ZNF724: variants seen among roughly 807,000 people sequenced by gnomAD.
ZNF724 encodes zinc finger protein 724 pseudogene.
Under a neutral mutation model 29.3 loss-of-function variants are expected in ZNF724, and 14 were observed. That is an observed-to-expected ratio of 0.48 (90% CI 0.32 to 0.75). ZNF724 has a LOEUF of 0.75. ZNF724 is among the 30% of genes least tolerant of loss of function. The pLI, the probability that ZNF724 is intolerant of heterozygous loss-of-function variation, is 0.04. For synonymous variants in ZNF724, 180 were observed against 193.6 expected, an observed-to-expected ratio of 0.93 and a Z score of 0.58; for missense variants, 557 against 571.2, an observed-to-expected ratio of 0.98 and a Z score of 0.25.
At chr19:23,239,591 A>AT (rs775648427) in intron 1 of ZNF724, among the ~76,000 whole-genome samples, 1 of 152,226 alleles carries the variant, frequency 6.6e-6, no homozygotes, top group East Asian at 1.9e-4. Context: ...AAGGAAATTT[A>AT]TAGCACTAAC....
At chr19:23,236,773 T>A (rs1473745455) in intron 1 of ZNF724, 1 of 152,202 alleles carries the variant, frequency 6.6e-6, no homozygotes, top group Non-Finnish European at 1.5e-5. Flanking sequence ...CTCTTTTATC[T>A]CTGTTGCTCT....
rs779137283 is a variant in ZNF724, at chr19:23,224,028, A to G, written c.227-10T>C. 4.3e-5 allele frequency: 27 copies of G among 632,386 alleles called. No individual in the cohort carries two copies. Among genetic ancestry groups the G allele is most frequent in the Non-Finnish European group, 1.1e-5 (4 of 354,088 alleles). The allele number at this position is 632,386 out of a possible 1,614,324, so 39.2% of individuals were successfully genotyped here. A position where few individuals can be genotyped will look rare whatever the true frequency, so the allele number is the denominator to read the frequency against. On this transcript the variant is annotated splice_polypyrimidine_tract_variant and intron_variant, in intron 3 of 3. Coordinates refer to ENST00000418100, the MANE Select transcript of ZNF724 (RefSeq NM_001355404.2). Reference sequence around the variant, plus strand: ...AAATAACAACACATACCTGAAAGAAATAAAAATAACAACTTACTCCACATA... The same window carrying G: ...AAATAACAACACATACCTGAAAGAAGTAAAAATAACAACTTACTCCACATA...
chr19:23,229,872 A>G (rs1385634252), intron 3 of ZNF724, among the ~76,000 whole-genome samples: 3 of 152,238 alleles, frequency 2.0e-5, no homozygotes, highest in African/African-American at 7.2e-5. Flanking sequence ...TTCTATTTTA[A>G]AATAGCACTG....
intron 1 of ZNF724, among the ~76,000 whole-genome samples, chr19:23,234,449 C>T (rs1971991007): frequency 6.6e-6 from 1 of 151,836 alleles, no homozygotes; most frequent in Non-Finnish European, 1.5e-5. Context: ...TAAGCATTGC[C>T]TTGCAATTTT....
At chr19:23,238,364 A>ACAAAAAC (rs1298367130) in intron 1 of ZNF724, among the ~76,000 whole-genome samples, 2 of 152,042 alleles carry the variant, frequency 1.3e-5, no homozygotes, top group East Asian at 1.9e-4. Flanking sequence ...ACCTCAAAAA[A>ACAAAAAC]CAAAAAACAA....
At chr19:23,246,951 G>A (rs556964674) in intron 1 of ZNF724, among the ~76,000 whole-genome samples, 40 of 152,172 alleles carry the variant, frequency 2.6e-4, no homozygotes, top group African/African-American at 5.8e-4. Flanking sequence ...GGCTGGGCAC[G>A]GTGACTCACG....
At chr19:23,234,493 C>A (rs777101204) in intron 1 of ZNF724, among the ~76,000 whole-genome samples, 23 of 151,962 alleles carry the variant, frequency 1.5e-4, no homozygotes, top group Middle Eastern at 6.8e-3. Flanking sequence ...CTCTTGTCAT[C>A]CAGGCTGGAG....
intron 3 of ZNF724, among the ~76,000 whole-genome samples, chr19:23,228,069 T>C (rs1971870710): frequency 6.6e-6 from 1 of 152,060 alleles, no homozygotes; most frequent in Non-Finnish European, 1.5e-5. Flanking sequence ...TATGGTACAC[T>C]GAGGTTGGAG....
chr19:23,245,610 T>C (rs1339144978), intron 1 of ZNF724, among the ~76,000 whole-genome samples: 1 of 149,526 alleles, frequency 6.7e-6, no homozygotes, highest in Non-Finnish European at 1.5e-5. Flanking sequence ...CAAGACTCCA[T>C]CTCAAAAAAA....
chr19:23,223,022 T>C lies in ZNF724; in HGVS notation c.1223A>G (p.His408Arg). ...ATGAATTCTTTTATGTGTGGTGAGG[T>C]GTGAGGATGTGTTAAAGGCTTTGCC... Reference protein sequence around the residue: ...ECGKAFNTSSHLTTHKRIHTG... With the variant: ...ECGKAFNTSSRLTTHKRIHTG... Residue 408 changes from histidine to arginine, a missense_variant, in exon 4 of 4, where the codon CAC becomes CGC. Physicochemically the swap from His to Arg is conservative, Grantham distance 29. Around this residue, in one of 3 missense-constraint regions of ZNF724, gnomAD observed 362 missense variants for 295.5 expected, o/e 1.22. Coordinates refer to ENST00000418100, the MANE Select transcript of ZNF724 (RefSeq NM_001355404.2). The C allele has an allele frequency of 7.5e-7, 1 of 1,325,842 alleles. No homozygotes were observed. The highest frequency in any genetic ancestry group is 1.1e-6 in the Non-Finnish European group (1 of 918,880). The allele number at this position is 1,325,842 out of a possible 1,614,324, so 82.1% of individuals were successfully genotyped here.
In ZNF724 at chr19:23,223,177, A is replaced by C. The variant is rs769757740; in HGVS notation, c.1068T>G (p.His356Gln). Residue 356 changes from histidine to glutamine, a missense_variant, in exon 4 of 4, where the codon CAT becomes CAG. His to Gln is a conservative substitution (Grantham distance 24). Coordinates refer to ENST00000418100, the MANE Select transcript of ZNF724 (RefSeq NM_001355404.2). ...AFNVSSTLTQ[H>Q]KRIHTGEKPY... ...GTTTCTCTCCAGTATGAATTCTCTTATGTTGAGTAAGGGTTGAGGACACAT... is the reference window on the plus strand; with the variant it reads ...GTTTCTCTCCAGTATGAATTCTCTTCTGTTGAGTAAGGGTTGAGGACACAT... 7.8e-7 allele frequency: 1 copy of C among 1,274,474 alleles called. No individual in the cohort carries two copies. The highest frequency in any genetic ancestry group is 2.3e-5 in the East Asian group (1 of 43,282). 78.9% of individuals were successfully genotyped at this position (1,274,474 alleles called of 1,614,324 possible).
Position 23,223,574 on chromosome 19 carries a change from T to C in ZNF724, c.671A>G (p.Lys224Arg). 1 of 722,366 alleles carries C rather than the reference T, an allele frequency of 1.4e-6. No individual in the cohort carries two copies. Among genetic ancestry groups the C allele is most frequent in the Non-Finnish European group, 2.6e-6 (1 of 389,492 alleles). The allele number at this position is 722,366 out of a possible 1,614,324, so 44.7% of individuals were successfully genotyped here. Residue 224 changes from lysine to arginine, a missense_variant, in exon 4 of 4, where the codon AAA becomes AGA. This residue lies in a region of ZNF724 where 362 missense variants were observed against 295.5 expected (regional missense o/e 1.22). Coordinates refer to ENST00000418100, the MANE Select transcript of ZNF724 (RefSeq NM_001355404.2). ...GCCACATTCTTCACATTTGTAGTGT[T>C]TTTGTCCTGTATGAATTCTCTTATG... ...SQHKRIHTGQKHYKCEECGIA... is the reference protein window; with the variant it reads ...SQHKRIHTGQRHYKCEECGIA...
intron 1 of ZNF724, among the ~76,000 whole-genome samples, chr19:23,249,020 TAAG>T (rs76532585): frequency 0.48 from 72,509 of 150,836 alleles, 19,019 homozygotes; most frequent in East Asian, 0.68. Context: ...CAAAAAAAAC[TAAG>T]AAGAAGAAAA....
At chr19:23,228,212 G>A (rs745776533) in intron 3 of ZNF724, among the ~76,000 whole-genome samples, 11 of 152,170 alleles carry the variant, frequency 7.2e-5, no homozygotes, top group Non-Finnish European at 1.5e-4. Context: ...CACTTTGGGA[G>A]GCTGAGACAG....
intron 3 of ZNF724, among the ~76,000 whole-genome samples, chr19:23,225,583 G>A (rs1355836395): frequency 1.3e-5 from 2 of 152,040 alleles, no homozygotes; most frequent in Non-Finnish European, 2.9e-5. Flanking sequence ...TCCAGCCTGG[G>A]CAACAAAGCA....
chr19:23,240,838 C>G (rs944943266), intron 1 of ZNF724, among the ~76,000 whole-genome samples: 3 of 151,830 alleles, frequency 2.0e-5, no homozygotes, highest in Admixed American at 1.3e-4. Context: ...TCAAAACCAG[C>G]CTGACCAACA....
rs1972297177 is a variant in ZNF724, at chr19:23,249,023, GAAGAAGAA to G, written c.3+1209_3+1216del. On this transcript the variant is annotated intron_variant, in intron 1 of 3. Coordinates refer to ENST00000418100, the MANE Select transcript of ZNF724 (RefSeq NM_001355404.2). ...CAAACAAACAAACAAAAAAAACTAA[GAAGAAGAA>G]AAGAGGAGAGAAACAAACAAACAAA... Among the ~76,000 whole-genome samples, 8 of 44,216 alleles carry G rather than the reference GAAGAAGAA, an allele frequency of 1.8e-4. No homozygotes were observed. In the East Asian group the frequency reaches 5.8e-3, roughly 32 times the overall value. The allele number at this position is 44,216 out of a possible 152,430, so 29.0% of individuals were successfully genotyped here. A position where few individuals can be genotyped will look rare whatever the true frequency, so the allele number is the denominator to read the frequency against.
intron 1 of ZNF724, among the ~76,000 whole-genome samples, chr19:23,239,835 CA>C (rs1471357826): frequency 9.2e-5 from 14 of 151,730 alleles, no homozygotes; most frequent in Admixed American, 9.2e-4. Context: ...AAGAGAAAAC[CA>C]ATTCCCAAGC....
At chr19:23,249,263 CAG>C (rs999205688) in intron 1 of ZNF724, among the ~76,000 whole-genome samples, 3 of 123,788 alleles carry the variant, frequency 2.4e-5, no homozygotes, top group Non-Finnish European at 3.3e-5. Context: ...TTTTTCTAGA[CAG>C]AGTCTTCTTA....
Sources: gnomAD v4.1 joint callset for allele counts (sites outside exome capture counted in the v4.1 genomes callset) on GRCh38, gnomAD v4.1.1 for gene constraint, gnomAD v4.1.1 regional missense constraint, MANE v1.5 for transcripts, NCBI Gene and HGNC (gene_info 2026-07-23, HGNC 2026-07-21) for gene names.